The following NHSL1 variants were observed in gnomAD, a reference collection of about 807,000 sequenced individuals.
The protein encoded by NHSL1 is NHS-like protein 1.
NHSL1 carries 48 observed loss-of-function variants against 95.0 expected under a neutral mutation model. The ratio of observed to expected loss-of-function variants is 0.51; its 90% CI spans 0.40 to 0.64. The LOEUF is 0.64. Among genes scored for constraint, NHSL1 ranks in the 30% least tolerant of loss-of-function variants. NHSL1 has a pLI of 0.00. For synonymous variants in NHSL1, 783 were observed against 833.9 expected (o/e 0.94, Z 1.05); for missense variants, 1,971 against 2,077.7 (o/e 0.95, Z 1.00).
chr6:138,610,915 C>T (rs1423055224), intron 1 of NHSL1, among the ~76,000 whole-genome samples: 21 of 151,892 alleles, frequency 1.4e-4, no homozygotes, highest in Admixed American at 1.3e-3. Flanking sequence ...CCATCTCTAA[C>T]AAAAATACAA....
chr6:138,469,748 AAACAAC>A (rs945396103), intron 3 of NHSL1, among the ~76,000 whole-genome samples: 2 of 152,146 alleles, frequency 1.3e-5, no homozygotes, highest in African/African-American at 4.8e-5. Context: ...ACAAAAAACA[AAACAAC>A]AACAACAACA....
intron 1 of NHSL1, among the ~76,000 whole-genome samples, chr6:138,671,445 GTCTCC>G: frequency 6.9e-6 from 1 of 145,706 alleles, no homozygotes. Context: ...GCGAGAATCT[GTCTCC>G]AAAAAAAAAA....
chr6:138,580,012 AATCT>A (rs1466771879), intron 1 of NHSL1, among the ~76,000 whole-genome samples: 1 of 152,252 alleles, frequency 6.6e-6, no homozygotes, highest in Non-Finnish European at 1.5e-5. Flanking sequence ...TACTTTTAAT[AATCT>A]ATTAACAGAA....
At chr6:138,488,499 T>C (rs1779852336) in intron 2 of NHSL1, among the ~76,000 whole-genome samples, 1 of 152,198 alleles carries the variant, frequency 6.6e-6, no homozygotes, top group Non-Finnish European at 1.5e-5. Context: ...TAATAACCAA[T>C]TATAACCCTA....
chr6:138,629,461 C>T (rs1583457330), intron 1 of NHSL1, among the ~76,000 whole-genome samples: 1 of 151,982 alleles, frequency 6.6e-6, no homozygotes, highest in East Asian at 1.9e-4. Context: ...CGGCTCACTG[C>T]ACCCTCCGCC....
intron 1 of NHSL1, among the ~76,000 whole-genome samples, chr6:138,649,205 C>G (rs1218329189): frequency 6.6e-6 from 1 of 152,074 alleles, no homozygotes; most frequent in Non-Finnish European, 1.5e-5. Flanking sequence ...GAACCTCTCA[C>G]AGTCCACTAG....
intron 1 of NHSL1, among the ~76,000 whole-genome samples, chr6:138,595,608 T>C (rs1784293056): frequency 6.6e-6 from 1 of 152,230 alleles, no homozygotes; most frequent in South Asian, 2.1e-4. Context: ...AAGTCTTTTT[T>C]ACAAAAGTGA....
intron 3 of NHSL1, among the ~76,000 whole-genome samples, chr6:138,452,303 C>T (rs1777289098): frequency 6.6e-6 from 1 of 152,196 alleles, no homozygotes; most frequent in Non-Finnish European, 1.5e-5. Context: ...ACCCGGAAAT[C>T]AGACAAGCTC....
chr6:138,630,156 G>A (rs1197978749), intron 1 of NHSL1, among the ~76,000 whole-genome samples: 1 of 151,864 alleles, frequency 6.6e-6, no homozygotes, highest in Admixed American at 6.6e-5. Context: ...TAGAGGCTGC[G>A]GTAAGCCATG....
intron 1 of NHSL1, among the ~76,000 whole-genome samples, chr6:138,643,357 G>C (rs1432395526): frequency 6.6e-6 from 1 of 152,160 alleles, no homozygotes; most frequent in African/African-American, 2.4e-5. Flanking sequence ...TGGTGCATTT[G>C]TTACAACTGA....
At position 138,442,121 on chromosome 6, in the gene NHSL1, T is replaced by C. The variant is rs2128215324; in HGVS notation, c.533-7A>G. On this transcript the variant is annotated splice_polypyrimidine_tract_variant and splice_region_variant and intron_variant, in intron 4 of 7. Transcript: ENST00000343505. ...TGGCGATCGAAATTCTCCCCTAATG[T>C]AGAGTAGTAGAACAAGCAAAGCAAT... 1 of 1,543,840 alleles carries C rather than the reference T, an allele frequency of 6.5e-7. No individual in the cohort carries two copies.
At chr6:138,467,592 C>T (rs1007524171) in intron 3 of NHSL1, among the ~76,000 whole-genome samples, 5 of 152,160 alleles carry the variant, frequency 3.3e-5, no homozygotes, top group Non-Finnish European at 7.3e-5. Flanking sequence ...GGTGTTATTG[C>T]CCCGAGGAAC....
At chr6:138,577,606 C>A (rs1347847961) in intron 1 of NHSL1, among the ~76,000 whole-genome samples, 2 of 152,156 alleles carry the variant, frequency 1.3e-5, no homozygotes, top group Non-Finnish European at 2.9e-5. Flanking sequence ...TCTGAAGTGG[C>A]CCTGCCTGGG....
intron 2 of NHSL1, among the ~76,000 whole-genome samples, chr6:138,494,681 T>C (rs1402467299): frequency 1.3e-5 from 2 of 152,186 alleles, no homozygotes; most frequent in African/African-American, 4.8e-5. Flanking sequence ...CAAAGTCAAG[T>C]CTTCCACAAT....
At chr6:138,496,460 T>A in intron 1 of NHSL1, 89 bp from the exon 2 acceptor site, 1 of 1,345,868 alleles carries the variant, frequency 7.4e-7, no homozygotes, top group East Asian at 2.5e-5. Context: ...GTCTAACACA[T>A]CCACGGGTAA....
chr6:138,561,461 A>T (rs547845774), intron 1 of NHSL1, among the ~76,000 whole-genome samples: 1 of 152,272 alleles, frequency 6.6e-6, no homozygotes, highest in South Asian at 2.1e-4. Context: ...GGGCATGAAA[A>T]TGGAAAAGTA....
At chr6:138,550,420 C>T (rs1782958683), upstream of NHSL1, among the ~76,000 whole-genome samples, 1 of 152,094 alleles carries the variant, frequency 6.6e-6, no homozygotes, top group African/African-American at 2.4e-5. Flanking sequence ...ACCTAGGAAG[C>T]TTTGTGAAAG....
chr6:138,600,749 T>A (rs1784360825), intron 1 of NHSL1, among the ~76,000 whole-genome samples: 1 of 152,198 alleles, frequency 6.6e-6, no homozygotes, highest in Non-Finnish European at 1.5e-5. Context: ...GCTTATAGTC[T>A]GGCAATTATA....
intron 1 of NHSL1, among the ~76,000 whole-genome samples, chr6:138,636,551 G>T (rs1784891174): frequency 6.6e-6 from 1 of 152,148 alleles, no homozygotes; most frequent in Admixed American, 6.5e-5. Flanking sequence ...GAACTGGTAT[G>T]CAAATTCAGT....
Sources: allele counts gnomAD v4.1 joint callset (sites outside exome capture counted in the v4.1 genomes callset), GRCh38; gene constraint gnomAD v4.1.1; transcripts MANE v1.5; gene names NCBI Gene and HGNC (gene_info 2026-07-23, HGNC 2026-07-21).